ARVCF: variants seen among roughly 807,000 people sequenced by gnomAD.
ARVCF encodes the protein splicing regulator ARVCF.
ARVCF carries 66 observed loss-of-function variants against 90.9 expected under a neutral mutation model. The observed-to-expected ratio is 0.73, with a 90% CI of 0.60 to 0.89. ARVCF has a LOEUF of 0.89. Among genes scored for constraint, ARVCF ranks in the 40% least tolerant of loss-of-function variants. ARVCF has a pLI of 0.00. For missense variants in ARVCF, 1,469 were observed against 1,382.3 expected (o/e 1.06, Z -1.00); for synonymous variants, 653 against 603.4 (o/e 1.08, Z -1.21).
rs1222162592 is a variant in ARVCF at position 19,977,592 on chromosome 22, G to A, written c.1699-6C>T. ...CACACGCAGTTCTCCACCGACTGCA[G>A]GGAGAGGTGAGTGGGTGGGGCAGGG... On this transcript the variant is annotated splice_region_variant and splice_polypyrimidine_tract_variant and intron_variant, in intron 8 of 19. Transcript: ENST00000263207. The A allele has an allele frequency of 2.6e-6, 4 of 1,517,164 alleles. No individual in the cohort carries two copies. The highest frequency in any genetic ancestry group is 2.8e-5 in the African/African-American group (2 of 71,856). The allele number at this position is 1,517,164 out of a possible 1,614,324, so 94.0% of individuals were successfully genotyped here. A position where few individuals can be genotyped will look rare whatever the true frequency, so the allele number is the denominator to read the frequency against.
rs943714667 is a variant in ARVCF at position 20,003,607 on chromosome 22, T to C, written c.-19+6848A>G. 3.3e-5 allele frequency among the ~76,000 whole-genome samples: 5 copies of C among 152,124 alleles called. 1 individual carries two copies. The South Asian group carries it at 6.2e-4, about 19-fold the overall frequency. ...CAATCAATGTAATACGCCACAGTAA[T>C]AGAATAAAGGACAAAAATCACAATC... On this transcript the variant is annotated intron_variant, in intron 2 of 19. Coordinates refer to ENST00000263207, the MANE Select transcript of ARVCF (RefSeq NM_001670.3).
chr22:19,977,420 G>A lies in ARVCF; in HGVS notation c.1865C>T (p.Ala622Val). The A allele has an allele frequency of 6.6e-7, 1 of 1,524,152 alleles. No individual in the cohort carries two copies. The highest frequency in any genetic ancestry group is 8.8e-7 in the Non-Finnish European group (1 of 1,135,446). The allele number at this position is 1,524,152 out of a possible 1,614,324, so 94.4% of individuals were successfully genotyped here. A position where few individuals can be genotyped will look rare whatever the true frequency, so the allele number is the denominator to read the frequency against. ...CCCCAGTCCGCCCCACCCACCTTTGGCCTTCTTGCCTCCAAAGCAGCTGGC... is the reference window on the plus strand; with the variant it reads ...CCCCAGTCCGCCCCACCCACCTTTGACCTTCTTGCCTCCAAAGCAGCTGGC... ...DDASCFGGKKAKEEWFHQGKK... is the reference protein window; with the variant it reads ...DDASCFGGKKVKEEWFHQGKK... The change falls in exon 9 of 20, where the codon GCC (alanine) becomes GTC (valine). Residue 622 changes from alanine to valine, a missense_variant. By Grantham distance (64) the Ala-to-Val change is moderately conservative (BLOSUM62 0). Transcript: ENST00000263207.
intron 2 of ARVCF, among the ~76,000 whole-genome samples, chr22:19,998,786 G>T (rs55702521): frequency 6.6e-6 from 1 of 152,186 alleles, no homozygotes; most frequent in African/African-American, 2.4e-5. Flanking sequence ...GGCAGGGGCC[G>T]TGAGACGGCA....
chr22:19,990,438 A>C, intron 3 of ARVCF, 147 bp downstream of exon 3: 17 of 1,033,964 alleles, frequency 1.6e-5, no homozygotes, highest in Non-Finnish European at 2.2e-5. Context: ...CTTCCAGCCC[A>C]ACCTGGGATC....
At chr22:19,997,622 G>GCT in intron 2 of ARVCF, among the ~76,000 whole-genome samples, 1 of 152,302 alleles carries the variant, frequency 6.6e-6, no homozygotes, top group African/African-American at 2.4e-5. Flanking sequence ...TGGCAGTGAG[G>GCT]GGCCACATTC....
intron 3 of ARVCF, among the ~76,000 whole-genome samples, chr22:19,990,375 T>C (rs1485613470): frequency 6.6e-6 from 1 of 152,192 alleles, no homozygotes; most frequent in East Asian, 1.9e-4. Flanking sequence ...GTTCTGAGTG[T>C]TGGGCTGTGT....
chr22:20,012,749 GC>G (rs1944882326), intron 1 of ARVCF, among the ~76,000 whole-genome samples: 1 of 152,264 alleles, frequency 6.6e-6, no homozygotes, highest in Admixed American at 6.5e-5. Flanking sequence ...GCCCTAGTAA[GC>G]CCTGTGGTTC....
intron 3 of ARVCF, among the ~76,000 whole-genome samples, chr22:19,988,089 G>C (rs979312690): frequency 6.6e-5 from 10 of 152,122 alleles, no homozygotes; most frequent in Non-Finnish European, 1.3e-4. Context: ...GAAAGGGCTC[G>C]GGCCCAGGCC....
intron 2 of ARVCF, among the ~76,000 whole-genome samples, chr22:19,993,647 C>T (rs945190440): frequency 6.6e-6 from 1 of 152,208 alleles, no homozygotes; most frequent in African/African-American, 2.4e-5. Context: ...CAGCTTCATG[C>T]CCAACTCTGA....
intron 3 of ARVCF, chr22:19,987,192 G>A: frequency 4.9e-6 from 2 of 404,346 alleles, no homozygotes; most frequent in Admixed American, 4.5e-5. Context: ...AGGCTCGGCG[G>A]ACTCGCTCCC....
At position 19,974,228 on chromosome 22, in the gene ARVCF, G is replaced by A; in HGVS notation, c.1972C>T (p.Leu658=). The change falls in exon 12 of 20, where the codon CTG becomes TTG. Residue 658 remains leucine, a synonymous_variant. Transcript: ENST00000263207. ...AGACGTACCACCTCGGGCTGGTACAGCAGCTCAAAGCCTAGGTGCAGGGCA... is the reference window on the plus strand; with the variant it reads ...AGACGTACCACCTCGGGCTGGTACAACAGCTCAAAGCCTAGGTGCAGGGCA... ...RTEAAKGFEL[L]YQPEVVRLYL... is the part of the protein sequence containing the mutation. 1.2e-6 allele frequency: 2 copies of A among 1,609,036 alleles called. No homozygotes were observed. The highest frequency in any genetic ancestry group is 8.5e-7 in the Non-Finnish European group (1 of 1,177,436).
chr22:19,987,442 G>A (rs1333837336), intron 3 of ARVCF, among the ~76,000 whole-genome samples: 5 of 147,370 alleles, frequency 3.4e-5, no homozygotes, highest in Non-Finnish European at 7.5e-5. Flanking sequence ...CCCTCCCTGC[G>A]GCAGGGGTGT....
At chr22:19,978,210 C>T in intron 7 of ARVCF, 135 bp from the exon 8 acceptor site, 1 of 737,474 alleles carries the variant, frequency 1.4e-6, no homozygotes, top group Non-Finnish European at 2.1e-6. Flanking sequence ...GAAAGGACCC[C>T]ACAGTCTGGA....
intron 6 of ARVCF, chr22:19,979,293 T>A (rs1176182145): frequency 1.7e-6 from 1 of 603,700 alleles, no homozygotes; most frequent in East Asian, 2.9e-5. Flanking sequence ...CAGAGGAGGG[T>A]GTGGCAGTGC....
intron 2 of ARVCF, among the ~76,000 whole-genome samples, chr22:19,994,126 T>C (rs1944133196): frequency 6.6e-6 from 1 of 150,656 alleles, no homozygotes; most frequent in Non-Finnish European, 1.5e-5. Flanking sequence ...GATGGATGAA[T>C]GAATGGAGGG....
At chr22:20,002,499 T>C (rs549588746) in intron 2 of ARVCF, among the ~76,000 whole-genome samples, 1 of 152,344 alleles carries the variant, frequency 6.6e-6, no homozygotes, top group Non-Finnish European at 1.5e-5. Context: ...CCTCTCTACT[T>C]GAGATCTTTT....
intron 2 of ARVCF, among the ~76,000 whole-genome samples, chr22:20,009,022 C>T (rs1944734599): frequency 6.6e-6 from 1 of 152,170 alleles, no homozygotes. Context: ...AGCCAACCAC[C>T]CTCCTGCGGA....
chr22:19,971,931 C>T lies in ARVCF; in HGVS notation c.2736G>A (p.Arg912=). 6.2e-7 allele frequency: 1 copy of T among 1,612,936 alleles called. No individual in the cohort carries two copies. Among genetic ancestry groups the T allele is most frequent in the Non-Finnish European group, 8.5e-7 (1 of 1,179,718 alleles). Residue 912 remains arginine (R), a synonymous_variant, in exon 18 of 20, where the codon CGG becomes CGA. Coordinates refer to ENST00000263207, the MANE Select transcript of ARVCF (RefSeq NM_001670.3). ...AGGCCTCTCCTGCAGAGCTGGCGCC[C>T]CGTGGCCTCCGCTCCCTCCGGTCCA... ...STVDRRERRP[R]GASSAGEASE...
intron 11 of ARVCF, 148 bp from the exon 12 acceptor site, chr22:19,974,387 A>C: frequency 3.2e-6 from 3 of 943,510 alleles, no homozygotes; most frequent in South Asian, 2.4e-5. Flanking sequence ...TTTACTATCA[A>C]CATATAGTCA....
Sources: allele counts gnomAD v4.1 joint callset (sites outside exome capture counted in the v4.1 genomes callset), GRCh38; gene constraint gnomAD v4.1.1; transcripts MANE v1.5; gene names NCBI Gene and HGNC (gene_info 2026-07-23, HGNC 2026-07-21).